Variants in DYNLT2B observed in about 807,000 individuals in gnomAD.
DYNLT2B encodes dynein light chain Tctex-type 2B.
Under a neutral mutation model 19.5 loss-of-function variants are expected in DYNLT2B, and 14 were observed. The observed-to-expected ratio is 0.72, with a 90% confidence interval of 0.47 to 1.12. The LOEUF (loss-of-function observed/expected upper bound fraction) is 1.12. DYNLT2B is among the 50% of genes most tolerant of loss of function. DYNLT2B has a pLI of 0.00. For missense variants in DYNLT2B, 133 were observed against 174.7 expected, an observed-to-expected ratio of 0.76 and a Z score of 1.35; for synonymous variants, 70 against 59.7, an observed-to-expected ratio of 1.17 and a Z score of -0.79.
intron 3 of DYNLT2B, among the ~76,000 whole-genome samples, chr3:196,299,578 C>G (rs1368396784): frequency 2.0e-5 from 3 of 152,044 alleles, no homozygotes; most frequent in South Asian, 2.1e-4. Context: ...GAGGGAAGAT[C>G]CCATAAAAAA....
intron 3 of DYNLT2B, among the ~76,000 whole-genome samples, chr3:196,304,278 T>C (rs542750338): frequency 1.3e-5 from 2 of 152,008 alleles, no homozygotes; most frequent in African/African-American, 2.4e-5. Flanking sequence ...GTTACAGGTG[T>C]GCACCACCAT....
At chr3:196,315,426 C>T in intron 2 of DYNLT2B, 1 of 300,986 alleles carries the variant, frequency 3.3e-6, no homozygotes, top group Non-Finnish European at 6.5e-6. Context: ...CCACACCCAG[C>T]TATTTTTTGT....
At chr3:196,296,123 C>G (rs1392034887) in intron 3 of DYNLT2B, 54 bp from the exon 4 acceptor site, 1 of 1,435,316 alleles carries the variant, frequency 7.0e-7, no homozygotes, top group African/African-American at 1.4e-5. Flanking sequence ...ACCTAAACGA[C>G]ACATATCTGC....
At chr3:196,291,479 ATT>A in intron 4 of DYNLT2B, 105 bp from the exon 5 acceptor site, 4 of 1,179,486 alleles carry the variant, frequency 3.4e-6, no homozygotes, top group Non-Finnish European at 4.7e-6. Flanking sequence ...GATCTTTCCA[ATT>A]TTTTTTTTCT....
chr3:196,315,272 T>G (rs1406790993), intron 2 of DYNLT2B: 1 of 419,240 alleles, frequency 2.4e-6, no homozygotes, highest in African/African-American at 2.1e-5. Context: ...TTTGCTTTTT[T>G]TTTTTTTTGA....
intron 3 of DYNLT2B, among the ~76,000 whole-genome samples, chr3:196,306,589 C>T (rs1242311098): frequency 6.6e-6 from 1 of 152,094 alleles, no homozygotes; most frequent in Non-Finnish European, 1.5e-5. Flanking sequence ...TACTCTGTCA[C>T]CCAGGCTGGA....
At chr3:196,298,335 G>A (rs1378725308) in intron 3 of DYNLT2B, 1 of 156,536 alleles carries the variant, frequency 6.4e-6, no homozygotes, top group East Asian at 1.8e-4. Context: ...TATTTTTTGA[G>A]AGGGAGTCTC....
rs770270665 is a variant in DYNLT2B, at chr3:196,296,026, T to C, written c.361A>G (p.Thr121Ala). Residue 121 changes from threonine to alanine, a missense_variant, in exon 4 of 5, where the codon ACT becomes GCT. Physicochemically the swap from Thr to Ala is moderately conservative, Grantham distance 58. Coordinates refer to ENST00000325318, the MANE Select transcript of DYNLT2B (RefSeq NM_152773.5). ...CFWDADTDNY[T>A]HDVFMNDSLF... is the part of the protein sequence containing the mutation. The stretch of plus-strand genomic sequence containing the variant: ...CTTACATTCATGAAAACATCATGAG[T>C]ATAGTTGTCAGTGTCAGCATCCCAG... The C allele has an allele frequency of 1.1e-5, 18 of 1,613,702 alleles. No individual in the cohort carries two copies. In the South Asian group the frequency reaches 1.8e-4, roughly 16 times the overall value.
chr3:196,294,994 G>A (rs753434754), intron 4 of DYNLT2B, among the ~76,000 whole-genome samples: 1 of 151,904 alleles, frequency 6.6e-6, no homozygotes, highest in Non-Finnish European at 1.5e-5. Flanking sequence ...CACATGCCTC[G>A]GCCTCCCAAA....
intron 2 of DYNLT2B, among the ~76,000 whole-genome samples, chr3:196,308,528 A>C (rs1475889806): frequency 1.3e-5 from 2 of 152,270 alleles, no homozygotes; most frequent in Non-Finnish European, 2.9e-5. Context: ...TGAAGAGAAA[A>C]AAATGGAATG....
chr3:196,308,264 A>G (rs1368103009), intron 2 of DYNLT2B, among the ~76,000 whole-genome samples: 4 of 152,096 alleles, frequency 2.6e-5, no homozygotes, highest in Admixed American at 2.6e-4. Flanking sequence ...GCCGGCCAAT[A>G]AACTGAGTCT....
At chr3:196,299,918 G>A (rs574470749) in intron 3 of DYNLT2B, among the ~76,000 whole-genome samples, 1 of 152,228 alleles carries the variant, frequency 6.6e-6, no homozygotes, top group Non-Finnish European at 1.5e-5. Context: ...GCAACAGAGT[G>A]AGACTCTTTC....
At chr3:196,298,402 C>T (rs1355410187) in intron 3 of DYNLT2B, among the ~76,000 whole-genome samples, 3 of 152,074 alleles carry the variant, frequency 2.0e-5, no homozygotes, top group Non-Finnish European at 4.4e-5. Context: ...ACAACCTCCA[C>T]CTCCCGGGTT....
At chr3:196,307,892 C>T (rs1480557121) in intron 2 of DYNLT2B, among the ~76,000 whole-genome samples, 1 of 151,370 alleles carries the variant, frequency 6.6e-6, no homozygotes, top group Non-Finnish European at 1.5e-5. Flanking sequence ...CAAGCCTGGC[C>T]AACATGGTTA....
intron 2 of DYNLT2B, 45 bp downstream of exon 2, chr3:196,316,053 A>G (rs564104117): frequency 1.9e-6 from 3 of 1,597,146 alleles, no homozygotes; most frequent in Admixed American, 1.7e-5. Flanking sequence ...GGTAATACTG[A>G]CTCTGTGAAG....
intron 4 of DYNLT2B, among the ~76,000 whole-genome samples, chr3:196,291,848 TATTGCTTGCCTGAGGGTGACTACAAA>T (rs1726104054): frequency 6.6e-6 from 1 of 152,156 alleles, no homozygotes; most frequent in South Asian, 2.1e-4. Flanking sequence ...ATAGCTACAC[TATTGCTTGCCTGAGGGTGACTACAAA>T]ATTGCTTGCT....
intron 2 of DYNLT2B, among the ~76,000 whole-genome samples, chr3:196,312,692 C>A (rs376508395): frequency 6.6e-6 from 1 of 152,180 alleles, no homozygotes; most frequent in East Asian, 1.9e-4. Flanking sequence ...CTCCTGACCT[C>A]GGGTGATCCA....
At chr3:196,306,150 G>T (rs1726478910) in intron 3 of DYNLT2B, among the ~76,000 whole-genome samples, 1 of 151,064 alleles carries the variant, frequency 6.6e-6, no homozygotes, top group Non-Finnish European at 1.5e-5. Flanking sequence ...GGTGGTTCAA[G>T]CCTATAAGTC....
intron 2 of DYNLT2B, among the ~76,000 whole-genome samples, chr3:196,314,419 C>T (rs1384383567): frequency 1.4e-5 from 2 of 145,424 alleles, no homozygotes; most frequent in African/African-American, 2.6e-5. Flanking sequence ...GCTGAGATCA[C>T]ACCACTGCAC....
Sources: gnomAD v4.1 joint callset for allele counts (sites outside exome capture counted in the v4.1 genomes callset) on GRCh38, gnomAD v4.1.1 for gene constraint, MANE v1.5 for transcripts, NCBI Gene and HGNC (gene_info 2026-07-23, HGNC 2026-07-21) for gene names.